Variants in NDUFA10 observed in about 807,000 individuals in gnomAD.
NDUFA10 encodes NADH:ubiquinone oxidoreductase subunit A10.
In NDUFA10, 40 loss-of-function variants were observed where a neutral mutation model predicts 47.8. The observed-to-expected ratio is 0.84, with a 90% confidence interval of 0.65 to 1.09. The LOEUF (loss-of-function observed/expected upper bound fraction) is 1.09, where lower values mean the gene tolerates loss of function less well. NDUFA10 is among the 50% of genes least tolerant of loss of function. The pLI, the probability that NDUFA10 is intolerant of heterozygous loss-of-function variation, is 0.00. For synonymous variants in NDUFA10, 183 were observed against 172.2 expected, an observed-to-expected ratio of 1.06 and a Z score of -0.49; for missense variants, 413 against 451.1, an observed-to-expected ratio of 0.92 and a Z score of 0.76.
chr2:239,937,244 A>C (rs1457510708), intron 4 of NDUFA10, among the ~76,000 whole-genome samples: 1 of 152,096 alleles, frequency 6.6e-6, no homozygotes, highest in Non-Finnish European at 1.5e-5. Context: ...CATAAAATAC[A>C]CCCATTTCGA....
intron 4 of NDUFA10, among the ~76,000 whole-genome samples, chr2:239,924,826 T>A (rs899140564): frequency 5.3e-5 from 8 of 152,128 alleles, no homozygotes; most frequent in Non-Finnish European, 1.0e-4. Context: ...TCAATTATTT[T>A]AAAATTCTTA....
Position 239,960,069 on chromosome 2 carries a change from T to C in NDUFA10, c.*1049A>G. On this transcript the variant is annotated 3_prime_UTR_variant, in exon 10 of 10. Transcript: ENST00000252711. ...AAACTCTATTACATTTTAGCTCATT[T>C]AAATTTCAATACCCACATGTGGCTA... 1.0e-6 allele frequency: 1 copy of C among 985,414 alleles called. No individual in the cohort carries two copies. The highest frequency in any genetic ancestry group is 1.2e-6 in the Non-Finnish European group (1 of 829,878). 61.0% of individuals were successfully genotyped at this position (985,414 alleles called of 1,614,324 possible). A position where few individuals can be genotyped will look rare whatever the true frequency, so the allele number is the denominator to read the frequency against.
chr2:239,949,098 G>GTATGAGAGCTCAT (rs1467694414), intron 4 of NDUFA10, among the ~76,000 whole-genome samples: 1 of 152,190 alleles, frequency 6.6e-6, no homozygotes, highest in Non-Finnish European at 1.5e-5. Flanking sequence ...TGGGACGGAC[G>GTATGAGAGCTCAT]TATGAGAGCT....
intron 9 of NDUFA10, among the ~76,000 whole-genome samples, chr2:239,963,346 A>G (rs1376688249): frequency 6.6e-6 from 1 of 152,206 alleles, no homozygotes. Flanking sequence ...CTCCAGGGCC[A>G]GGGGGATCCC....
In NDUFA10 at chr2:239,997,048, AT is replaced by A. The variant is rs1190150600; in HGVS notation, c.891-6867del. 4.6e-5 allele frequency among the ~76,000 whole-genome samples: 7 copies of A among 152,140 alleles called. No individual in the cohort carries two copies. In the South Asian group the frequency reaches 1.2e-3, roughly 27 times the overall value. ...TATACTGTATTTTTACATTTTTATT[AT>A]TTTTTTATTGCTGTGTTATTTTTAT... On this transcript the variant is annotated intron_variant, in intron 8 of 9. Coordinates refer to ENST00000252711, the MANE Select transcript of NDUFA10 (RefSeq NM_004544.4).
At chr2:239,990,663 T>G (rs1051679527) in intron 8 of NDUFA10, among the ~76,000 whole-genome samples, 1 of 152,172 alleles carries the variant, frequency 6.6e-6, no homozygotes, top group African/African-American at 2.4e-5. Context: ...ACTGCTCTGT[T>G]CTGTATGCTG....
At chr2:239,896,609 A>C (rs1282894924) in intron 4 of NDUFA10, among the ~76,000 whole-genome samples, 1 of 152,260 alleles carries the variant, frequency 6.6e-6, no homozygotes, top group Non-Finnish European at 1.5e-5. Flanking sequence ...TCCTAATTCA[A>C]ACAAACCAAC....
chr2:239,915,335 G>A (rs7369320), intron 4 of NDUFA10, among the ~76,000 whole-genome samples: 86,278 of 133,574 alleles, frequency 0.65, 27,653 homozygotes, highest in East Asian at 0.73. Flanking sequence ...CACAGAGAAC[G>A]AAGACATACT....
intron 9 of NDUFA10, chr2:239,973,533 C>T (rs1319587820): frequency 2.1e-6 from 1 of 470,798 alleles, no homozygotes; most frequent in South Asian, 1.6e-5. Flanking sequence ...TTCTGTTGTC[C>T]TAGCAACTAT....
At chr2:239,920,266 G>A (rs767025021) in intron 4 of NDUFA10, among the ~76,000 whole-genome samples, 14 of 152,326 alleles carry the variant, frequency 9.2e-5, no homozygotes, top group Admixed American at 5.2e-4. Context: ...ACCCTGACCT[G>A]GGACTGCCAT....
chr2:239,963,976 C>T (rs1475292607), intron 9 of NDUFA10, among the ~76,000 whole-genome samples: 1 of 152,164 alleles, frequency 6.6e-6, no homozygotes, highest in Non-Finnish European at 1.5e-5. Flanking sequence ...GGGAAAAGAC[C>T]ACACTAGCGG....
At chr2:239,914,958 TAC>T (rs1314349274) in intron 4 of NDUFA10, among the ~76,000 whole-genome samples, 1 of 131,008 alleles carries the variant, frequency 7.6e-6, no homozygotes, top group African/African-American at 3.1e-5. Context: ...TATATAAACA[TAC>T]ACACAGAACA....
rs1170624211 is a variant in NDUFA10, at chr2:239,959,726, C to CGGAA, written c.*1388_*1391dup. On this transcript the variant is annotated 3_prime_UTR_variant, in exon 10 of 10. Transcript: ENST00000252711. ...AGGCAGGGAGGAAAACAAGGACAGA[C>CGGAA]GGAAGGAAGGAAGAGAAGGAGGGAA... The CGGAA allele has an allele frequency of 4.4e-6, 3 of 674,652 alleles. No homozygotes were observed. The African/African-American group carries it at 8.8e-5, about 20-fold the overall frequency. The allele number at this position is 674,652 out of a possible 1,614,324, so 41.8% of individuals were successfully genotyped here. A position where few individuals can be genotyped will look rare whatever the true frequency, so the allele number is the denominator to read the frequency against.
Position 239,909,378 on chromosome 2 carries a change from C to T in NDUFA10, c.295-14064G>A, listed in dbSNP as rs559738439. ...CTGTAATCTCAGCACTTTGGGAGGC[C>T]GAGGCAGGCAGATCACGAGGTCAGG... is the stretch of plus-strand genomic sequence containing the variant. On this transcript the variant is annotated intron_variant, in intron 4 of 5. Transcript: ENST00000419408. 3.0e-4 allele frequency among the ~76,000 whole-genome samples: 45 copies of T among 152,212 alleles called. 1 individual carries two copies. The highest frequency in any genetic ancestry group is 1.2e-3 in the South Asian group (6 of 4,816).
intron 4 of NDUFA10, among the ~76,000 whole-genome samples, chr2:239,940,338 A>G (rs1189522617): frequency 1.3e-5 from 2 of 152,242 alleles, no homozygotes; most frequent in African/African-American, 4.8e-5. Flanking sequence ...AGTGTGTGGC[A>G]TAAGGATCTC....
chr2:239,898,962 AGGGTGTGATG>A (rs1693459933), intron 4 of NDUFA10, among the ~76,000 whole-genome samples: 1 of 72,608 alleles, frequency 1.4e-5, no homozygotes, highest in African/African-American at 4.7e-5. Flanking sequence ...GGGGTGTGGC[AGGGTGTGATG>A]AAGAGGTATG....
chr2:239,951,986 T>C (rs958262662), intron 4 of NDUFA10, among the ~76,000 whole-genome samples: 2 of 152,206 alleles, frequency 1.3e-5, no homozygotes, highest in Non-Finnish European at 2.9e-5. Flanking sequence ...TTTCCCTCGG[T>C]AGGTGCTGTG....
chr2:239,991,501 T>G (rs1696246984), intron 8 of NDUFA10, among the ~76,000 whole-genome samples: 1 of 152,198 alleles, frequency 6.6e-6, no homozygotes, highest in African/African-American at 2.4e-5. Context: ...ATGCAAATAT[T>G]TTTTAAAAAC....
intron 4 of NDUFA10, 141 bp from the exon 5 acceptor site, chr2:240,015,001 A>C: frequency 1.6e-6 from 2 of 1,264,426 alleles, no homozygotes; most frequent in Non-Finnish European, 2.2e-6. Flanking sequence ...TCTCGGTCAC[A>C]GTTCTAAGCA....
Sources: gnomAD v4.1 joint callset for allele counts (sites outside exome capture counted in the v4.1 genomes callset) on GRCh38, gnomAD v4.1.1 for gene constraint, MANE v1.5 for transcripts, NCBI Gene and HGNC (gene_info 2026-07-23, HGNC 2026-07-21) for gene names.